Variants in SPMAP2 observed in about 807,000 individuals in gnomAD.
SPMAP2 encodes Theg homolog.
the SPMAP2 span, chr19:374,577 T>G: frequency 8.4e-6 from 9 of 1,077,836 alleles, no homozygotes; most frequent in African/African-American, 1.4e-4. Context: ...AGGGAGGACT[T>G]TGGCACCACG....
chr19:372,978 CG>C, the SPMAP2 span, among the ~76,000 whole-genome samples: 1 of 152,170 alleles, frequency 6.6e-6, no homozygotes, highest in South Asian at 2.1e-4. Context: ...GGCTCCTCAA[CG>C]GGGCTCAATA....
the SPMAP2 span, among the ~76,000 whole-genome samples, chr19:371,655 C>T: frequency 6.6e-6 from 1 of 152,182 alleles, no homozygotes; most frequent in Non-Finnish European, 1.5e-5. Flanking sequence ...GACGGCAGCT[C>T]CTCCCAGGCC....
chr19:367,907 C>G, the SPMAP2 span, among the ~76,000 whole-genome samples: 7 of 152,122 alleles, frequency 4.6e-5, no homozygotes, highest in African/African-American at 1.7e-4. Context: ...CTCTAGAAAA[C>G]AGTAATGAGG....
chr19:365,141 G>A, the SPMAP2 span, among the ~76,000 whole-genome samples: 18 of 152,318 alleles, frequency 1.2e-4, no homozygotes, highest in Middle Eastern at 6.8e-3. Flanking sequence ...CATCCTGCAC[G>A]CACCCGCGCT....
the SPMAP2 span, among the ~76,000 whole-genome samples, chr19:370,883 C>T: frequency 2.0e-5 from 3 of 151,850 alleles, no homozygotes; most frequent in African/African-American, 7.3e-5. Flanking sequence ...AGAGCGAGGT[C>T]AGTGGTTGCC....
At chr19:364,801 G>A in the SPMAP2 span, among the ~76,000 whole-genome samples, 1 of 151,656 alleles carries the variant, frequency 6.6e-6, no homozygotes, top group African/African-American at 2.4e-5. Context: ...ATAGCAGGGA[G>A]CTGCAGCAGA....
At chr19:374,501 G>C in the SPMAP2 span, 1 of 1,581,354 alleles carries the variant, frequency 6.3e-7, no homozygotes, top group Non-Finnish European at 8.6e-7. Context: ...CGTGGGTCTT[G>C]CTCAAGCGCC....
the SPMAP2 span, among the ~76,000 whole-genome samples, chr19:364,815 C>T: frequency 6.6e-6 from 1 of 151,928 alleles, no homozygotes; most frequent in East Asian, 1.9e-4. Context: ...CAGCAGACTG[C>T]TTGGAGACTA....
chr19:362,996 T>C, the SPMAP2 span, among the ~76,000 whole-genome samples: 2 of 151,960 alleles, frequency 1.3e-5, no homozygotes, highest in African/African-American at 4.8e-5. Context: ...TATACAAATG[T>C]CCAGGACAGG....
the SPMAP2 span, among the ~76,000 whole-genome samples, chr19:370,737 T>C: frequency 6.6e-6 from 1 of 152,138 alleles, no homozygotes; most frequent in African/African-American, 2.4e-5. Context: ...AATTCTGGAA[T>C]TGAACCGGCG....
the SPMAP2 span, chr19:373,394 C>A: frequency 7.0e-7 from 1 of 1,422,504 alleles, no homozygotes; most frequent in South Asian, 1.2e-5. Flanking sequence ...CCAGAAGTAT[C>A]TAGATGGGGC....
At chr19:371,194 G>A in the SPMAP2 span, 184 of 1,421,636 alleles carry the variant, frequency 1.3e-4, no homozygotes, top group African/African-American at 1.6e-4. Context: ...CGGGGGGCAC[G>A]GGGCACCCAC....
the SPMAP2 span, chr19:375,618 G>A: frequency 9.9e-6 from 15 of 1,508,148 alleles, no homozygotes; most frequent in Admixed American, 8.2e-5. Context: ...CAGGGGCTGA[G>A]CCCTACCCCA....
the SPMAP2 span, among the ~76,000 whole-genome samples, chr19:365,432 C>T: frequency 6.6e-6 from 1 of 152,192 alleles, no homozygotes; most frequent in Non-Finnish European, 1.5e-5. Context: ...GAGTTTCCAG[C>T]ACTCCCGAGC....
the SPMAP2 span, chr19:375,696 T>TC: frequency 6.2e-7 from 1 of 1,601,984 alleles, no homozygotes. Context: ...CAAGTCCTTG[T>TC]CCAGGACTCT....
the SPMAP2 span, among the ~76,000 whole-genome samples, chr19:367,909 G>T: frequency 6.6e-6 from 1 of 152,150 alleles, no homozygotes; most frequent in African/African-American, 2.4e-5. Context: ...CTAGAAAACA[G>T]TAATGAGGGA....
At chr19:368,034 G>A in the SPMAP2 span, among the ~76,000 whole-genome samples, 2 of 152,234 alleles carry the variant, frequency 1.3e-5, no homozygotes, top group South Asian at 4.2e-4. The surrounding 1 kb of genome is among the most constrained non-coding windows in gnomAD (Gnocchi z 4.1). Flanking sequence ...CCTTGCGGAC[G>A]TTTCACCCAG....
At chr19:364,360 A>AG in the SPMAP2 span, among the ~76,000 whole-genome samples, 1 of 150,690 alleles carries the variant, frequency 6.6e-6, no homozygotes, top group Non-Finnish European at 1.5e-5. Flanking sequence ...AAAAAAAGAA[A>AG]GAAAAAAAAA....
At chr19:374,069 C>T in the SPMAP2 span, 8 of 1,571,034 alleles carry the variant, frequency 5.1e-6, no homozygotes, top group South Asian at 9.1e-5. Context: ...CCCGTTTGCT[C>T]CCAAACTCCT....
Sources: gnomAD v4.1 joint callset for allele counts (sites outside exome capture counted in the v4.1 genomes callset) on GRCh38, gnomAD v4.1.1 for gene constraint, Gnocchi (gnomAD v3.1) non-coding constraint, MANE v1.5 for transcripts, NCBI Gene and HGNC (gene_info 2026-07-23, HGNC 2026-07-21) for gene names.